SOCS7: variants seen among roughly 807,000 people sequenced by gnomAD.
SOCS7 encodes NAP-4.
A neutral mutation model predicts 58.9 loss-of-function variants in SOCS7; 18 were observed. The ratio of observed to expected loss-of-function variants is 0.31; its 90% CI spans 0.21 to 0.45. The LOEUF is 0.45. Among genes scored for constraint, SOCS7 ranks in the 20% least tolerant of loss-of-function variants. SOCS7 has a pLI of 1.00. For synonymous variants in SOCS7, 388 were observed against 364.3 expected, an observed-to-expected ratio of 1.06 and a Z score of -0.74; for missense variants, 667 against 837.3, an observed-to-expected ratio of 0.80 and a Z score of 2.51.
chr17:38,386,884 G>T (rs2038074033), intron 7 of SOCS7, among the ~76,000 whole-genome samples: 1 of 149,806 alleles, frequency 6.7e-6, no homozygotes, highest in Non-Finnish European at 1.5e-5. Flanking sequence ...AGGAGATTGA[G>T]ACCATCCTGG....
intron 7 of SOCS7, among the ~76,000 whole-genome samples, chr17:38,393,757 C>T (rs1352097199): frequency 1.4e-5 from 2 of 145,422 alleles, no homozygotes; most frequent in South Asian, 2.2e-4. Flanking sequence ...AAAATTAGCC[C>T]GGCGTGGTGG....
At position 38,356,198 on chromosome 17, in the gene SOCS7, A is replaced by T. The variant is rs587770011; in HGVS notation, c.980+3166A>T. 1.1e-4 allele frequency among the ~76,000 whole-genome samples: 17 copies of T among 151,982 alleles called. No individual in the cohort carries two copies. In the South Asian group the frequency reaches 3.3e-3, roughly 30 times the overall value. Reference sequence around the variant, plus strand: ...AAGCCACCAAGTCTGGCCAACTTAGATAACTGTTTTTAAGTGAGGTAAGAA... The same window carrying T: ...AAGCCACCAAGTCTGGCCAACTTAGTTAACTGTTTTTAAGTGAGGTAAGAA... On this transcript the variant is annotated intron_variant, in intron 1 of 9. Coordinates refer to ENST00000612932, the MANE Select transcript of SOCS7 (RefSeq NM_014598.4).
In SOCS7 at chr17:38,389,867, A is replaced by ATATATATATATATATATG. The variant is rs2038135185; in HGVS notation, c.1682-5442_1682-5441insTATATATATATATATATG. On this transcript the variant is annotated intron_variant, in intron 7 of 9. Coordinates refer to ENST00000612932, the MANE Select transcript of SOCS7 (RefSeq NM_014598.4). ...TTTTTTGTTTGGTGTGTATGTGTGT[A>ATATATATATATATATATG]CATATATATATATATGTACATATAT... Among the ~76,000 whole-genome samples the ATATATATATATATATATG allele has an allele frequency of 1.1e-4, 7 of 63,154 alleles. 2 individuals carry two copies. Among genetic ancestry groups the ATATATATATATATATATG allele is most frequent in the Non-Finnish European group, 1.6e-4 (6 of 37,984 alleles). The allele number at this position is 63,154 out of a possible 152,430, so 41.4% of individuals were successfully genotyped here.
chr17:38,372,707 T>C (rs938060649), intron 6 of SOCS7, among the ~76,000 whole-genome samples: 1 of 152,200 alleles, frequency 6.6e-6, no homozygotes, highest in East Asian at 1.9e-4. Flanking sequence ...AGAGAAAAGT[T>C]AGAACATTAC....
intron 9 of SOCS7, among the ~76,000 whole-genome samples, chr17:38,399,281 A>C (rs981442286): frequency 2.0e-5 from 3 of 152,084 alleles, no homozygotes; most frequent in Non-Finnish European, 4.4e-5. Flanking sequence ...TGTATTTATT[A>C]GTTATTTCAG....
rs2038369352 is a variant in SOCS7, at chr17:38,404,801, C to T, written c.*5319C>T. On this transcript the variant is annotated 3_prime_UTR_variant, in exon 10 of 10. Transcript: ENST00000612932. Reference sequence around the variant, plus strand: ...GTGCTCCCTTGGGCGGGGACCTGTCCCTCACTCTTAGGCCCAGAACCTGTC... The same window carrying T: ...GTGCTCCCTTGGGCGGGGACCTGTCTCTCACTCTTAGGCCCAGAACCTGTC... 1 of 152,288 alleles carries T rather than the reference C, an allele frequency of 6.6e-6. No homozygotes were observed. The highest frequency in any genetic ancestry group is 6.5e-5 in the Admixed American group (1 of 15,280). 9.4% of individuals were successfully genotyped at this position (152,288 alleles called of 1,614,324 possible).
intron 5 of SOCS7, among the ~76,000 whole-genome samples, chr17:38,367,129 A>G (rs139338117): frequency 3.3e-5 from 5 of 152,192 alleles, no homozygotes; most frequent in Admixed American, 1.3e-4. Flanking sequence ...CAGTGGCGCA[A>G]TCTCGGCTTA....
chr17:38,377,887 A>G (rs1422549288), intron 7 of SOCS7, 45 bp downstream of exon 7: 1 of 1,588,662 alleles, frequency 6.3e-7, no homozygotes, highest in East Asian at 2.2e-5. Context: ...GTTGGGTATG[A>G]TCCAGTTTAG....
intron 7 of SOCS7, among the ~76,000 whole-genome samples, chr17:38,380,911 T>G (rs2037992616): frequency 6.6e-6 from 1 of 152,106 alleles, no homozygotes; most frequent in Non-Finnish European, 1.5e-5. Flanking sequence ...TGAGACTTCA[T>G]TTTGCCAGTG....
At chr17:38,392,005 T>C (rs2038178552) in intron 7 of SOCS7, among the ~76,000 whole-genome samples, 1 of 152,212 alleles carries the variant, frequency 6.6e-6, no homozygotes, top group Admixed American at 6.5e-5. Flanking sequence ...CCAGGACCTC[T>C]GGCATGAGGA....
intron 7 of SOCS7, among the ~76,000 whole-genome samples, chr17:38,389,863 G>GTACATATATATATATA (rs1261982144): frequency 1.3e-4 from 3 of 22,334 alleles, no homozygotes; most frequent in African/African-American, 4.8e-4. Flanking sequence ...GTGTGTATGT[G>GTACATATATATATATA]TGTACATATA....
Position 38,374,309 on chromosome 17 carries a change from G to T in SOCS7, c.1553-3405G>T, listed in dbSNP as rs113626822. ...TCCCAGCACTTTGGGAGGCCAAGGC[G>T]GGCAGATCACTTGAACCTGGAAGTT... On this transcript the variant is annotated intron_variant, in intron 6 of 9. Transcript: ENST00000612932. 6.5e-3 allele frequency among the ~76,000 whole-genome samples: 987 copies of T among 152,188 alleles called. 10 individuals carry two copies. Among genetic ancestry groups the T allele is most frequent in the African/African-American group, 0.022 (922 of 41,548 alleles).
rs188030610 is a variant in SOCS7, at chr17:38,383,790, C to T, written c.1681+5948C>T. ...AACTCCTGACCTTAGGTGATCCACCCGCCTCGGCCTCCCAAAGTGCTGGGA... is the reference window on the plus strand; with the variant it reads ...AACTCCTGACCTTAGGTGATCCACCTGCCTCGGCCTCCCAAAGTGCTGGGA... On this transcript the variant is annotated intron_variant, in intron 7 of 9. Coordinates refer to ENST00000612932, the MANE Select transcript of SOCS7 (RefSeq NM_014598.4). Among the ~76,000 whole-genome samples the T allele has an allele frequency of 4.5e-4, 68 of 152,184 alleles. No individual in the cohort carries two copies. The East Asian group carries it at 0.012, about 27-fold the overall frequency.
chr17:38,366,218 G>A (rs587709547), intron 4 of SOCS7, 69 bp from the exon 5 acceptor site: 3 of 1,573,012 alleles, frequency 1.9e-6, no homozygotes, highest in African/African-American at 1.4e-5. Flanking sequence ...CTCTGTTTTT[G>A]GGGGAGGGTC....
At chr17:38,377,913 T>A in intron 7 of SOCS7, 71 bp downstream of exon 7, 1 of 1,482,524 alleles carries the variant, frequency 6.7e-7, no homozygotes, top group Admixed American at 1.9e-5. Flanking sequence ...AAAAACACCA[T>A]CCCCACAAAA....
rs1193599090 is a variant in SOCS7, at chr17:38,388,669, C to T, written c.1682-6640C>T. 3.3e-5 allele frequency among the ~76,000 whole-genome samples: 5 copies of T among 152,196 alleles called. No homozygotes were observed. In the East Asian group the frequency reaches 9.6e-4, roughly 29 times the overall value. On this transcript the variant is annotated intron_variant, in intron 7 of 9. Transcript: ENST00000612932. ...AGTTACTCCGTATTCCCTCTACTTC[C>T]TGGCCCCTACCAACCACTAATCTGT...
At position 38,404,394 on chromosome 17, in the gene SOCS7, A is replaced by C. The variant is rs767754900; in HGVS notation, c.*4912A>C. 8 of 152,200 alleles carry C rather than the reference A, an allele frequency of 5.3e-5. No homozygotes were observed. The highest frequency in any genetic ancestry group is 1.2e-4 in the Non-Finnish European group (8 of 68,186). The allele number at this position is 152,200 out of a possible 1,614,324, so 9.4% of individuals were successfully genotyped here. ...CCTTCCTGTCCTCTCCACACCTGCT[A>C]TCCCGTCCCACTCCCATCTACCTCC... On this transcript the variant is annotated 3_prime_UTR_variant, in exon 10 of 10. Coordinates refer to ENST00000612932, the MANE Select transcript of SOCS7 (RefSeq NM_014598.4).
At chr17:38,356,451 C>T (rs1555566809) in intron 1 of SOCS7, among the ~76,000 whole-genome samples, 1 of 151,718 alleles carries the variant, frequency 6.6e-6, no homozygotes, top group Non-Finnish European at 1.5e-5. Context: ...GATCTTGGCT[C>T]ACTACAACCT....
At chr17:38,378,063 G>C (rs41431849) in intron 7 of SOCS7, among the ~76,000 whole-genome samples, 22,715 of 152,200 alleles carry the variant, frequency 0.15, 2,270 homozygotes, top group Non-Finnish European at 0.22. Context: ...ACGTGAATGA[G>C]AAAACTGCTT....
Sources: allele counts gnomAD v4.1 joint callset (sites outside exome capture counted in the v4.1 genomes callset), GRCh38; gene constraint gnomAD v4.1.1; transcripts MANE v1.5; gene names NCBI Gene and HGNC (gene_info 2026-07-23, HGNC 2026-07-21).